Variants in ITGAE observed in about 807,000 individuals in gnomAD.
The protein encoded by ITGAE is integrin subunit alpha E.
ITGAE carries 99 observed loss-of-function variants against 136.5 expected under a neutral mutation model. The observed-to-expected ratio is 0.73, with a 90% CI of 0.62 to 0.86. The LOEUF is 0.86. Ranked by LOEUF, ITGAE falls within the 40% of genes least tolerant of loss-of-function variation. The pLI is 0.00. For missense variants in ITGAE, 1,447 were observed against 1,515.3 expected (o/e 0.95, Z 0.75); for synonymous variants, 613 against 591.8 (o/e 1.04, Z -0.52).
At chr17:3,727,614 T>C (rs1375023646) in intron 26 of ITGAE, among the ~76,000 whole-genome samples, 1 of 152,074 alleles carries the variant, frequency 6.6e-6, no homozygotes, top group Non-Finnish European at 1.5e-5. Context: ...TTAGCCAGGA[T>C]GGTCTCGATC....
Position 3,757,793 on chromosome 17 carries a change from G to T in ITGAE, c.933C>A (p.Thr311=), listed in dbSNP as rs780795780. 6.2e-6 allele frequency: 10 copies of T among 1,614,104 alleles called. No individual in the cohort carries two copies. In the South Asian group the frequency reaches 1.1e-4, roughly 18 times the overall value. ...RKASKVMVVL[T]DGGIFEDPLN... Reference sequence around the variant, plus strand: ...GGGGGTCCTCGAATATGCCACCATCGGTGAGCACCACCATGACCTTGGATG... The same window carrying T: ...GGGGGTCCTCGAATATGCCACCATCTGTGAGCACCACCATGACCTTGGATG... Residue 311 remains threonine, a synonymous_variant, in exon 9 of 31, where the codon ACC becomes ACA. Coordinates refer to ENST00000263087, the MANE Select transcript of ITGAE (RefSeq NM_002208.5).
chr17:3,751,575 CTTG>C, intron 15 of ITGAE, 72 bp downstream of exon 15: 1 of 1,403,206 alleles, frequency 7.1e-7, no homozygotes, highest in Non-Finnish European at 1.0e-6. Flanking sequence ...CTGAAGCCGA[CTTG>C]GGGCTTGGGT....
At position 3,761,946 on chromosome 17, in the gene ITGAE, A is replaced by G; in HGVS notation, c.284T>C (p.Val95Ala). The G allele has an allele frequency of 1.2e-6, 2 of 1,613,784 alleles. No individual in the cohort carries two copies. Among genetic ancestry groups the G allele is most frequent in the Non-Finnish European group, 1.7e-6 (2 of 1,179,926 alleles). ...VPIPKGRHRGVTVVRSHHGVL... is the reference protein window; with the variant it reads ...VPIPKGRHRGATVVRSHHGVL... ...ACCGTGGTGGCTCCGGACAACGGTC[A>G]CTCCCCGGTGCCTCCCCTTGGGGAT... The change falls in exon 4 of 31, where the codon GTG becomes GCG. Residue 95 changes from valine to alanine, a missense_variant. Transcript: ENST00000263087.
intron 2 of ITGAE, among the ~76,000 whole-genome samples, chr17:3,773,785 C>T (rs1054980317): frequency 2.0e-5 from 3 of 152,142 alleles, no homozygotes; most frequent in Non-Finnish European, 2.9e-5. Context: ...ACCCTCTGAT[C>T]GTGCCTGGTT....
Position 3,723,746 on chromosome 17 carries a change from T to C in ITGAE, c.3085-2A>G, listed in dbSNP as rs756866537. The stretch of plus-strand genomic sequence containing the variant: ...ACTCCAGGTGCACACCGTGGAGGCC[T>C]GAAACGAGAGCCATGACCGCGACGC... On this transcript the variant is annotated splice_acceptor_variant, in intron 26 of 30. Coordinates refer to ENST00000263087, the MANE Select transcript of ITGAE (RefSeq NM_002208.5). LOFTEE classifies it high-confidence loss of function. 42 of 1,606,786 alleles carry C rather than the reference T, an allele frequency of 2.6e-5. No individual in the cohort carries two copies. In the South Asian group the frequency reaches 3.0e-4, roughly 11 times the overall value.
intron 21 of ITGAE, among the ~76,000 whole-genome samples, chr17:3,733,016 C>G (rs938674369): frequency 6.6e-6 from 1 of 152,162 alleles, no homozygotes; most frequent in Admixed American, 6.6e-5. Context: ...TGGAGTTTCA[C>G]TCTTTCGCCC....
intron 12 of ITGAE, chr17:3,754,603 GGT>G (rs56139214): frequency 0.81 from 123,880 of 153,040 alleles, 51,099 homozygotes; most frequent in African/African-American, 0.94. Context: ...TGCTGTGCCT[GGT>G]GTGTACCTGA....
At chr17:3,725,851 C>T in intron 26 of ITGAE, 1 of 1,611,718 alleles carries the variant, frequency 6.2e-7, no homozygotes, top group South Asian at 1.1e-5. Context: ...CTCGCAGTGG[C>T]AGAGGCATCA....
At chr17:3,729,287 C>A (rs971155073) in intron 24 of ITGAE, 191 bp downstream of exon 24, 9 of 577,606 alleles carry the variant, frequency 1.6e-5, no homozygotes. Flanking sequence ...TTGATGACCA[C>A]AGTGGGGTTT....
At chr17:3,770,803 C>T (rs889155406) in intron 2 of ITGAE, among the ~76,000 whole-genome samples, 12 of 152,150 alleles carry the variant, frequency 7.9e-5, no homozygotes, top group African/African-American at 2.7e-4. Context: ...GAGCCCTCTG[C>T]GACACGGGCT....
intron 20 of ITGAE, among the ~76,000 whole-genome samples, chr17:3,738,561 G>A (rs1298706514): frequency 2.6e-5 from 4 of 152,190 alleles, no homozygotes; most frequent in Admixed American, 6.6e-5. Context: ...CCAATAGAAC[G>A]TCTGCAGCGA....
At position 3,771,196 on chromosome 17, in the gene ITGAE, C is replaced by G. The variant is rs370565336; in HGVS notation, c.155+6344G>C. Among the ~76,000 whole-genome samples the G allele has an allele frequency of 2.0e-5, 3 of 152,006 alleles. No homozygotes were observed. The East Asian group carries it at 5.8e-4, about 29-fold the overall frequency. On this transcript the variant is annotated intron_variant, in intron 2 of 30. Transcript: ENST00000263087. The stretch of plus-strand genomic sequence containing the variant: ...CCCAAATGCCAATCATCAGTACTGT[C>G]GACACAATGTAACCCTGGCAACCAG...
chr17:3,769,120 C>G lies in ITGAE; in HGVS notation c.156-5160G>C, dbSNP rs564657072. 1.9e-3 allele frequency among the ~76,000 whole-genome samples: 286 copies of G among 152,270 alleles called. 2 individuals are homozygous for G. The highest frequency in any genetic ancestry group is 6.4e-3 in the African/African-American group (265 of 41,560). ...CAGGAAGGGTGGGGTCAAAACTGGGCTCCACCGCAGACCCCGTTTTGGTGG... is the reference window on the plus strand; with the variant it reads ...CAGGAAGGGTGGGGTCAAAACTGGGGTCCACCGCAGACCCCGTTTTGGTGG... On this transcript the variant is annotated intron_variant, in intron 2 of 30. Coordinates refer to ENST00000263087, the MANE Select transcript of ITGAE (RefSeq NM_002208.5).
intron 28 of ITGAE, chr17:3,722,578 AC>A (rs1340788566): frequency 6.6e-6 from 1 of 152,362 alleles, no homozygotes; most frequent in East Asian, 1.9e-4. Flanking sequence ...AAGCAAAGGA[AC>A]AGCAAGTACA....
At chr17:3,781,676 C>T (rs914231938) in intron 1 of ITGAE, among the ~76,000 whole-genome samples, 4 of 152,110 alleles carry the variant, frequency 2.6e-5, no homozygotes, top group East Asian at 1.9e-4. Context: ...TTCTTATGTT[C>T]GAACCTTTTG....
intron 2 of ITGAE, among the ~76,000 whole-genome samples, chr17:3,767,775 A>C (rs1029754954): frequency 1.3e-5 from 2 of 151,986 alleles, no homozygotes; most frequent in Non-Finnish European, 2.9e-5. Context: ...GGAGCGAGTT[A>C]CCTTGCCCAG....
chr17:3,788,409 C>A (rs1346365614), intron 1 of ITGAE, among the ~76,000 whole-genome samples: 1 of 150,352 alleles, frequency 6.7e-6, no homozygotes, highest in Non-Finnish European at 1.5e-5. Flanking sequence ...CCTGCCTCAG[C>A]CTTTCGAGTA....
intron 1 of ITGAE, among the ~76,000 whole-genome samples, chr17:3,792,067 A>C (rs992965751): frequency 1.3e-5 from 2 of 152,176 alleles, no homozygotes; most frequent in African/African-American, 4.8e-5. Context: ...CCTGCATTTA[A>C]GGCCATTTCC....
At chr17:3,784,908 G>C (rs2052748560) in intron 1 of ITGAE, among the ~76,000 whole-genome samples, 1 of 152,168 alleles carries the variant, frequency 6.6e-6, no homozygotes, top group African/African-American at 2.4e-5. Context: ...GAGGCAGGCA[G>C]ATTGCTTAAG....
Sources: gnomAD v4.1 joint callset for allele counts (sites outside exome capture counted in the v4.1 genomes callset) on GRCh38, gnomAD v4.1.1 for gene constraint, MANE v1.5 for transcripts, NCBI Gene and HGNC (gene_info 2026-07-23, HGNC 2026-07-21) for gene names.